Variants in EIF4G3 observed in about 807,000 individuals in gnomAD.
EIF4G3 encodes the protein eukaryotic translation initiation factor 4 gamma 3.
Under a neutral mutation model 186.4 loss-of-function variants are expected in EIF4G3, and 34 were observed. The observed-to-expected ratio is 0.18, with a 90% CI of 0.14 to 0.24. EIF4G3 has a LOEUF of 0.24. Among genes scored for constraint, EIF4G3 ranks in the 10% least tolerant of loss-of-function variants. The probability of loss-of-function intolerance (pLI) is 1.00; values close to 1 mark genes in which losing one functional copy is unlikely to be tolerated. For missense variants in EIF4G3, 1,536 were observed against 1,948.5 expected (o/e 0.79, Z 3.99); for synonymous variants, 673 against 679.5 (o/e 0.99, Z 0.15).
At chr1:20,981,522 T>C (rs957392480) in intron 8 of EIF4G3, among the ~76,000 whole-genome samples, 2 of 67,880 alleles carry the variant, frequency 2.9e-5, no homozygotes, top group East Asian at 2.7e-4. Flanking sequence ...TATATATACA[T>C]ACATACATGT....
intron 7 of EIF4G3, among the ~76,000 whole-genome samples, chr1:20,988,931 T>C (rs2080219957): frequency 6.7e-6 from 1 of 150,226 alleles, no homozygotes; most frequent in African/African-American, 2.5e-5. Flanking sequence ...CTGGGTGCAG[T>C]GGTGTACGAC....
chr1:21,062,529 AGC>A (rs2094972745), intron 3 of EIF4G3, among the ~76,000 whole-genome samples: 1 of 152,256 alleles, frequency 6.6e-6, no homozygotes, highest in African/African-American at 2.4e-5. Flanking sequence ...ATATGGATCT[AGC>A]ACCACGGAGA....
Position 20,879,374 on chromosome 1 carries a change from A to C in EIF4G3, c.2571T>G (p.Asp857Glu). The C allele has an allele frequency of 6.2e-7, 1 of 1,606,872 alleles. No homozygotes were observed. Among genetic ancestry groups the C allele is most frequent in the Non-Finnish European group, 8.5e-7 (1 of 1,176,436 alleles). Residue 857 changes from aspartate to glutamate, a missense_variant, in exon 20 of 37, where the codon GAT becomes GAG. By Grantham distance (45) the Asp-to-Glu change is conservative. Transcript: ENST00000602326. Reference protein sequence around the residue: ...VIDLVFEKAIDEPSFSVAYAN... With the variant: ...VIDLVFEKAIEEPSFSVAYAN... ...CGTAAGCCACAGAGAAACTGGGTTC[A>C]TCAATAGCCTTCTCAAAGACCAGGT...
chr1:20,808,707 C>T (rs1261420101), intron 36 of EIF4G3, among the ~76,000 whole-genome samples: 1 of 152,036 alleles, frequency 6.6e-6, no homozygotes, highest in Admixed American at 6.6e-5. Context: ...TGATCATTCA[C>T]ATGGAAAACA....
intron 19 of EIF4G3, among the ~76,000 whole-genome samples, chr1:20,880,066 A>C (rs2081909563): frequency 6.6e-6 from 1 of 152,182 alleles, no homozygotes; most frequent in Non-Finnish European, 1.5e-5. Flanking sequence ...TAGACTAGTA[A>C]AAGGAGATAT....
At position 20,942,289 on chromosome 1, in the gene EIF4G3, G is replaced by A. The variant is rs2095747498; in HGVS notation, c.865C>T (p.Pro289Ser). 1.2e-6 allele frequency: 2 copies of A among 1,603,192 alleles called. No individual in the cohort carries two copies. Among genetic ancestry groups the A allele is most frequent in the East Asian group, 4.5e-5 (2 of 44,856 alleles). The change falls in exon 14 of 37, where the codon CCA becomes TCA. Residue 289 changes from proline to serine, a missense_variant. Pro to Ser is a moderately conservative substitution (Grantham distance 74). Transcript: ENST00000602326. The stretch of plus-strand genomic sequence containing the variant: ...CCACTGAGGACTAGCCTAAGGACTG[G>A]GGAAGGAGACTTTAACACTGGATCT... ...KPDPVLKSPSPVLRLVLSGEK... is the reference protein window; with the variant it reads ...KPDPVLKSPSSVLRLVLSGEK...
intron 34 of EIF4G3, among the ~76,000 whole-genome samples, 180 bp from the exon 35 acceptor site, chr1:20,813,419 A>G (rs2059657908): frequency 6.6e-6 from 1 of 151,106 alleles, no homozygotes; most frequent in Admixed American, 6.6e-5. Context: ...AAAAAAAAAA[A>G]AAAGCTGGGT....
chr1:20,874,941 A>T, intron 20 of EIF4G3, among the ~76,000 whole-genome samples: 1 of 152,192 alleles, frequency 6.6e-6, no homozygotes, highest in Non-Finnish European at 1.5e-5. Context: ...CCTCAAAAGT[A>T]ATCAACTACA....
At chr1:21,152,040 G>A (rs1020223407) in intron 2 of EIF4G3, among the ~76,000 whole-genome samples, 1 of 152,174 alleles carries the variant, frequency 6.6e-6, no homozygotes, top group African/African-American at 2.4e-5. Flanking sequence ...CAATTCTGAG[G>A]TCTAGCTTCA....
intron 2 of EIF4G3, among the ~76,000 whole-genome samples, chr1:21,093,943 A>AG (rs2096278154): frequency 6.6e-6 from 1 of 151,958 alleles, no homozygotes; most frequent in Non-Finnish European, 1.5e-5. Context: ...ATCACACACC[A>AG]GGGCCTGTCA....
At position 21,039,311 on chromosome 1, in the gene EIF4G3, T is replaced by G. The variant is rs532352394; in HGVS notation, c.-67+11555A>C. ...AAAATTAAATCAAATGAATCATAGT[T>G]CCATTCTGTGAGAGAACACAGAAAA... On this transcript the variant is annotated intron_variant, in intron 4 of 36. Coordinates refer to ENST00000602326, the MANE Select transcript of EIF4G3 (RefSeq NM_001391906.1). Among the ~76,000 whole-genome samples, 7 of 152,280 alleles carry G rather than the reference T, an allele frequency of 4.6e-5. No individual in the cohort carries two copies. In the South Asian group the frequency reaches 1.0e-3, roughly 23 times the overall value.
chr1:20,855,139 T>C, intron 25 of EIF4G3, 68 bp from the exon 26 acceptor site: 1 of 1,331,702 alleles, frequency 7.5e-7, no homozygotes, highest in Non-Finnish European at 1.0e-6. Flanking sequence ...CTTTTATTTT[T>C]TTCTTCTTCA....
chr1:20,813,230 C>G lies in EIF4G3; in HGVS notation c.4525G>C (p.Asp1509His). The change falls in exon 35 of 37, where the codon GAC becomes CAC. Residue 1509 changes from aspartate to histidine, a missense_variant. This residue lies in a region of EIF4G3 where 395 missense variants were observed against 498.9 expected (regional missense o/e 0.79). Transcript: ENST00000602326. Reference sequence around the variant, plus strand: ...GTAGGTGAACTCATCTGGATTTCGTCTAGATTAGCCTGAAGTCAAAAAGAA... The same window carrying G: ...GTAGGTGAACTCATCTGGATTTCGTGTAGATTAGCCTGAAGTCAAAAAGAA... ...QIFDWVEANL[D>H]EIQMSSPTFL... is the part of the protein sequence containing the mutation. 6.2e-7 allele frequency: 1 copy of G among 1,612,858 alleles called. No individual in the cohort carries two copies. Among genetic ancestry groups the G allele is most frequent in the South Asian group, 1.1e-5 (1 of 91,022 alleles).
chr1:20,981,085 T>A lies in EIF4G3; in HGVS notation c.341A>T (p.Tyr114Phe), dbSNP rs1247120080. ...IMMVNHLPMP[Y>F]PVPQGPQYCI... ...GTACTGAGGCCCCTGGGGCACTGGG[T>A]ACGGCATGGGCAGATGGTTAACCAT... Residue 114 changes from tyrosine to phenylalanine, a missense_variant, in exon 9 of 37, where the codon TAC (tyrosine) becomes TTC (phenylalanine). Physicochemically the swap from Tyr to Phe is conservative, Grantham distance 22. Coordinates refer to ENST00000602326, the MANE Select transcript of EIF4G3 (RefSeq NM_001391906.1). 2 of 1,612,862 alleles carry A rather than the reference T, an allele frequency of 1.2e-6. No individual in the cohort carries two copies. Among genetic ancestry groups the A allele is most frequent in the Non-Finnish European group, 8.5e-7 (1 of 1,179,280 alleles).
At position 20,918,701 on chromosome 1, in the gene EIF4G3, C is replaced by CTTTTT. The variant is rs35704755; in HGVS notation, c.1664-13735_1664-13731dup. On this transcript the variant is annotated intron_variant, in intron 14 of 36. Coordinates refer to ENST00000602326, the MANE Select transcript of EIF4G3 (RefSeq NM_001391906.1). The stretch of plus-strand genomic sequence containing the variant: ...ACTTTTAAATATATCCTCCTAGTAT[C>CTTTTT]TTTTTTTTTTTTTTTTTTTTTTTTT... Among the ~76,000 whole-genome samples, 19 of 94,886 alleles carry CTTTTT rather than the reference C, an allele frequency of 2.0e-4. 2 individuals are homozygous for CTTTTT. The highest frequency in any genetic ancestry group is 5.7e-4 in the African/African-American group (13 of 22,806). The allele number at this position is 94,886 out of a possible 152,430, so 62.2% of individuals were successfully genotyped here. A position where few individuals can be genotyped will look rare whatever the true frequency, so the allele number is the denominator to read the frequency against.
At chr1:20,930,588 T>G (rs900428807) in intron 14 of EIF4G3, among the ~76,000 whole-genome samples, 2 of 152,164 alleles carry the variant, frequency 1.3e-5, no homozygotes, top group Non-Finnish European at 2.9e-5. Flanking sequence ...TTCTTAGAGA[T>G]GGGGTCTCAC....
rs888586553 is a variant in EIF4G3 at position 21,085,756 on chromosome 1, C to T, written c.-196+3382G>A. 2.6e-5 allele frequency among the ~76,000 whole-genome samples: 4 copies of T among 152,038 alleles called. No homozygotes were observed. In the East Asian group the frequency reaches 7.7e-4, roughly 29 times the overall value. ...ACTCTGGCGCCAGGCTGGAGTGGCG[C>T]GATCTTGGCTCACTGCAACCTCTGC... is the stretch of plus-strand genomic sequence containing the variant. On this transcript the variant is annotated intron_variant, in intron 3 of 36. Transcript: ENST00000602326.
intron 3 of EIF4G3, among the ~76,000 whole-genome samples, chr1:21,086,604 G>A (rs774640654): frequency 2.6e-5 from 4 of 151,838 alleles, no homozygotes; most frequent in Non-Finnish European, 5.9e-5. Context: ...CAATTAACAC[G>A]TTCCTGTCTC....
rs907260136 is a variant in EIF4G3, at chr1:21,077,880, T to G, written c.-196+11258A>C. Among the ~76,000 whole-genome samples the G allele has an allele frequency of 7.5e-5, 8 of 106,434 alleles. 1 individual carries two copies. The highest frequency in any genetic ancestry group is 4.0e-4 in the Admixed American group (4 of 9,918). 69.8% of individuals were successfully genotyped at this position (106,434 alleles called of 152,430 possible). A position where few individuals can be genotyped will look rare whatever the true frequency, so the allele number is the denominator to read the frequency against. ...GGGCAACAATAGCAAAAACTCCGTCTCAAAAAAAAAAAAAAAACAACAAAA... is the reference window on the plus strand; with the variant it reads ...GGGCAACAATAGCAAAAACTCCGTCGCAAAAAAAAAAAAAAAACAACAAAA... On this transcript the variant is annotated intron_variant, in intron 3 of 36. Transcript: ENST00000602326.
Sources: allele counts gnomAD v4.1 joint callset (sites outside exome capture counted in the v4.1 genomes callset), GRCh38; gene constraint gnomAD v4.1.1; regional missense constraint gnomAD v4.1.1; transcripts MANE v1.5; gene names NCBI Gene and HGNC (gene_info 2026-07-23, HGNC 2026-07-21).